BMP5: variants seen among roughly 807,000 people sequenced by gnomAD.
BMP5 encodes bone morphogenetic protein 5.
In BMP5, 23 loss-of-function variants were observed where a neutral mutation model predicts 46.6. That is an observed-to-expected ratio of 0.49 (90% CI 0.35 to 0.70). The LOEUF (loss-of-function observed/expected upper bound fraction) is 0.70. Among genes scored for constraint, BMP5 ranks in the 30% least tolerant of loss-of-function variants. The probability of loss-of-function intolerance (pLI) is 0.00; values close to 1 mark genes in which losing one functional copy is unlikely to be tolerated. For missense variants in BMP5, 545 were observed against 565.6 expected, an observed-to-expected ratio of 0.96 and a Z score of 0.37; for synonymous variants, 204 against 191.9, an observed-to-expected ratio of 1.06 and a Z score of -0.52.
At position 55,794,060 on chromosome 6, in the gene BMP5, G is replaced by A. The variant is rs74963065; in HGVS notation, c.832+219C>T. On this transcript the variant is annotated intron_variant, in intron 3 of 6. Coordinates refer to ENST00000370830, the MANE Select transcript of BMP5 (RefSeq NM_021073.4). ...CCTTGAGAACAGTAGCAGTACCTACGTCTTCTTTACCTCCCACCCCAGAGC... is the reference window on the plus strand; with the variant it reads ...CCTTGAGAACAGTAGCAGTACCTACATCTTCTTTACCTCCCACCCCAGAGC... 5.6e-3 allele frequency among the ~76,000 whole-genome samples: 846 copies of A among 152,186 alleles called. 5 individuals carry two copies. The highest frequency in any genetic ancestry group is 0.019 in the African/African-American group (795 of 41,518).
intron 1 of BMP5, among the ~76,000 whole-genome samples, chr6:55,873,749 T>C (rs902516958): frequency 2.6e-5 from 4 of 152,026 alleles, no homozygotes; most frequent in Non-Finnish European, 5.9e-5. Context: ...GTGAAAAAAA[T>C]CAAGTAGCTA....
chr6:55,763,141 T>C (rs1774827375), intron 4 of BMP5, among the ~76,000 whole-genome samples: 1 of 152,152 alleles, frequency 6.6e-6, no homozygotes, highest in African/African-American at 2.4e-5. Flanking sequence ...AATATTTATC[T>C]ATTCATCTTT....
intron 3 of BMP5, among the ~76,000 whole-genome samples, chr6:55,777,221 T>C (rs1286753113): frequency 6.6e-6 from 1 of 151,908 alleles, no homozygotes; most frequent in East Asian, 1.9e-4. Flanking sequence ...GACTGAATAG[T>C]TATTTTAGTA....
At position 55,874,624 on chromosome 6, in the gene BMP5, A is replaced by C. The variant is rs774978962; in HGVS notation, c.242T>G (p.Met81Arg). The stretch of plus-strand genomic sequence containing the variant: ...GGTCATGGCATTGTAGAGATCCAGC[A>C]TAAAGAGAGGTGCAGAGGACGCTTG... Reference protein sequence around the residue: ...GKQASSAPLFMLDLYNAMTNE... With the variant: ...GKQASSAPLFRLDLYNAMTNE... Residue 81 changes from methionine (M) to arginine (R), a missense_variant, in exon 1 of 7, where the codon ATG becomes AGG. Transcript: ENST00000370830. 1 of 1,613,640 alleles carries C rather than the reference A, an allele frequency of 6.2e-7. No homozygotes were observed. The highest frequency in any genetic ancestry group is 1.1e-5 in the South Asian group (1 of 91,070).
At chr6:55,778,535 T>C (rs1338309385) in intron 3 of BMP5, among the ~76,000 whole-genome samples, 2 of 151,988 alleles carry the variant, frequency 1.3e-5, no homozygotes, top group African/African-American at 4.8e-5. Context: ...TCTTTTTGTA[T>C]TTACAAAAAC....
At chr6:55,820,717 GTTGTTTGT>G (rs3065793) in intron 1 of BMP5, among the ~76,000 whole-genome samples, 13,285 of 151,292 alleles carry the variant, frequency 0.088, 1,137 homozygotes, top group African/African-American at 0.21. Flanking sequence ...TCTGCCCCGT[GTTGTTTGT>G]TTGTTTGTTT....
In BMP5 at chr6:55,875,345, A is replaced by C. The variant is rs1582139074; in HGVS notation, c.-480T>G. 5.4e-6 allele frequency: 1 copy of C among 184,552 alleles called. No individual in the cohort carries two copies. The highest frequency in any genetic ancestry group is 2.4e-5 in the African/African-American group (1 of 41,766). 11.4% of individuals were successfully genotyped at this position (184,552 alleles called of 1,614,324 possible). A position where few individuals can be genotyped will look rare whatever the true frequency, so the allele number is the denominator to read the frequency against. On this transcript the variant is annotated 5_prime_UTR_variant, in exon 1 of 7. Coordinates refer to ENST00000370830, the MANE Select transcript of BMP5 (RefSeq NM_021073.4). ...ATCCTGATTTCTGAATCACAGATCT[A>C]TGCTGATCTGCACCTTGGTGTTGGA...
intron 1 of BMP5, among the ~76,000 whole-genome samples, chr6:55,864,526 G>T (rs1777594993): frequency 6.6e-6 from 1 of 151,896 alleles, no homozygotes; most frequent in African/African-American, 2.4e-5. Context: ...CTCATCGAAT[G>T]GGCTGCCTGA....
intron 2 of BMP5, among the ~76,000 whole-genome samples, chr6:55,806,319 A>G (rs1016967097): frequency 1.3e-5 from 2 of 152,190 alleles, no homozygotes; most frequent in East Asian, 1.9e-4. Context: ...CATTTATTAA[A>G]TAGGGAATCC....
At chr6:55,839,995 C>T (rs547736546) in intron 1 of BMP5, among the ~76,000 whole-genome samples, 2 of 152,122 alleles carry the variant, frequency 1.3e-5, no homozygotes, top group South Asian at 4.1e-4. Flanking sequence ...GAAGCTCTGA[C>T]TTTACTTTTC....
chr6:55,801,920 C>T (rs958788992), intron 2 of BMP5, among the ~76,000 whole-genome samples: 1 of 152,226 alleles, frequency 6.6e-6, no homozygotes, highest in Non-Finnish European at 1.5e-5. Flanking sequence ...TGCTTCCCAT[C>T]AAAAGGATGG....
chr6:55,780,829 C>T (rs1474288393), intron 3 of BMP5, among the ~76,000 whole-genome samples: 1 of 151,974 alleles, frequency 6.6e-6, no homozygotes, highest in Non-Finnish European at 1.5e-5. Flanking sequence ...TGTAAAGCAG[C>T]ATGGCCAGAG....
At chr6:55,825,239 T>G (rs929602096) in intron 1 of BMP5, among the ~76,000 whole-genome samples, 3 of 151,922 alleles carry the variant, frequency 2.0e-5, no homozygotes, top group African/African-American at 7.2e-5. Flanking sequence ...CACACTTCCT[T>G]CTGCTTCTAG....
chr6:55,868,589 T>G (rs1217365632), intron 1 of BMP5, among the ~76,000 whole-genome samples: 1 of 152,204 alleles, frequency 6.6e-6, no homozygotes, highest in East Asian at 1.9e-4. Flanking sequence ...TTTTTTCTCT[T>G]TTTAAACATT....
At chr6:55,842,546 C>T (rs1776987294) in intron 1 of BMP5, among the ~76,000 whole-genome samples, 1 of 152,102 alleles carries the variant, frequency 6.6e-6, no homozygotes, top group South Asian at 2.1e-4. Context: ...ATTCGAACTG[C>T]CTCAGGAACC....
chr6:55,869,853 G>C (rs975607456), intron 1 of BMP5, among the ~76,000 whole-genome samples: 1 of 152,082 alleles, frequency 6.6e-6, no homozygotes, highest in Non-Finnish European at 1.5e-5. Context: ...TTCTCAACTG[G>C]AGAGAAAACA....
intron 2 of BMP5, among the ~76,000 whole-genome samples, chr6:55,809,650 A>G (rs1190965274): frequency 6.6e-6 from 1 of 152,044 alleles, no homozygotes; most frequent in Admixed American, 6.6e-5. Flanking sequence ...AAGAGAGAGA[A>G]AAAGGATACT....
intron 1 of BMP5, 125 bp downstream of exon 1, chr6:55,874,251 C>T: frequency 8.2e-7 from 1 of 1,221,288 alleles, no homozygotes; most frequent in Admixed American, 2.0e-5. Context: ...AAAACAGAAG[C>T]TAAACAGGAG....
chr6:55,864,913 A>T (rs1467519471), intron 1 of BMP5, among the ~76,000 whole-genome samples: 1 of 152,114 alleles, frequency 6.6e-6, no homozygotes, highest in African/African-American at 2.4e-5. Context: ...TCTGAAAAAA[A>T]AAACCCAAAC....
Sources: allele counts gnomAD v4.1 joint callset (sites outside exome capture counted in the v4.1 genomes callset), GRCh38; gene constraint gnomAD v4.1.1; transcripts MANE v1.5; gene names NCBI Gene and HGNC (gene_info 2026-07-23, HGNC 2026-07-21).